JAK1: variants seen among roughly 807,000 people sequenced by gnomAD.
JAK1 encodes Janus kinase 1.
JAK1 carries 16 observed loss-of-function variants against 136.6 expected under a neutral mutation model. The ratio of observed to expected loss-of-function variants is 0.12; its 90% CI spans 0.08 to 0.18. JAK1 has a LOEUF of 0.18. JAK1 is among the 10% of genes least tolerant of loss of function. The pLI, the probability that JAK1 is intolerant of heterozygous loss-of-function variation, is 1.00. For synonymous variants in JAK1, 492 were observed against 519.5 expected (o/e 0.95, Z 0.72); for missense variants, 859 against 1,450.1 (o/e 0.59, Z 6.62).
intron 2 of JAK1, among the ~76,000 whole-genome samples, chr1:64,977,027 G>T (rs1646502449): frequency 6.6e-6 from 1 of 152,128 alleles, no homozygotes; most frequent in South Asian, 2.1e-4. Context: ...TGATCTGATT[G>T]CTAAGAAGTT....
Position 64,867,136 on chromosome 1 carries a change from T to G in JAK1, c.720A>C (p.Ile240=). ...RQRNLLTRMR[I]NNVFKDFLKE... ...TTAGGAAATCCTTGAAAACATTATTTATCCGCATCCTGGTGAGAAGGTTCC... is the reference window on the plus strand; with the variant it reads ...TTAGGAAATCCTTGAAAACATTATTGATCCGCATCCTGGTGAGAAGGTTCC... Residue 240 remains isoleucine, a synonymous_variant, in exon 7 of 25, where the codon ATA becomes ATC. Coordinates refer to ENST00000342505, the MANE Select transcript of JAK1 (RefSeq NM_002227.4). 2 of 1,613,208 alleles carry G rather than the reference T, an allele frequency of 1.2e-6. No individual in the cohort carries two copies. Among genetic ancestry groups the G allele is most frequent in the Non-Finnish European group, 1.7e-6 (2 of 1,179,268 alleles).
intron 4 of JAK1, among the ~76,000 whole-genome samples, chr1:64,875,781 C>T (rs1159318999): frequency 6.6e-6 from 1 of 152,188 alleles, no homozygotes. Context: ...TTCCCTTACC[C>T]TCCGCTGGTG....
intron 11 of JAK1, among the ~76,000 whole-genome samples, chr1:64,851,559 G>GC (rs1655597645): frequency 1.3e-5 from 2 of 152,166 alleles, no homozygotes; most frequent in African/African-American, 4.8e-5. Context: ...CTTACCAAAT[G>GC]CCCCCTCAAT....
chr1:64,903,410 T>C (rs1430672289), intron 1 of JAK1, among the ~76,000 whole-genome samples: 1 of 152,184 alleles, frequency 6.6e-6, no homozygotes, highest in Non-Finnish European at 1.5e-5. Context: ...CCTCATGGCA[T>C]GGGGACAGAG....
intron 2 of JAK1, among the ~76,000 whole-genome samples, chr1:65,024,121 G>A (rs929554981): frequency 6.6e-6 from 1 of 151,942 alleles, no homozygotes; most frequent in Non-Finnish European, 1.5e-5. Context: ...ATGTTTTGGG[G>A]GTATATACCT....
intron 2 of JAK1, among the ~76,000 whole-genome samples, chr1:64,983,387 C>T (rs572872994): frequency 1.2e-4 from 18 of 152,224 alleles, no homozygotes; most frequent in South Asian, 2.1e-4. Flanking sequence ...CAACAACACA[C>T]GTTAGATAAT....
intron 1 of JAK1, among the ~76,000 whole-genome samples, chr1:64,922,196 A>C (rs546865299): frequency 1.3e-5 from 2 of 150,270 alleles, no homozygotes; most frequent in East Asian, 4.0e-4. Context: ...CCCACCCCCC[A>C]GTTAGTTACT....
At chr1:64,878,561 G>GTGTATGTA (rs1298801037) in intron 4 of JAK1, among the ~76,000 whole-genome samples, 76 of 119,938 alleles carry the variant, frequency 6.3e-4, no homozygotes, top group Non-Finnish European at 1.2e-3. Flanking sequence ...TATATAGTGT[G>GTGTATGTA]TATATATATA....
intron 1 of JAK1, among the ~76,000 whole-genome samples, chr1:65,065,780 C>T (rs1648014042): frequency 6.6e-6 from 1 of 150,492 alleles, no homozygotes; most frequent in Non-Finnish European, 1.5e-5. Context: ...CTGGGTTAAG[C>T]TTAAGGGGAA....
chr1:64,866,928 C>G lies in JAK1; in HGVS notation c.928G>C (p.Val310Leu). The change falls in exon 7 of 25, where the codon GTT (valine) becomes CTT (leucine). Residue 310 changes from valine (V) to leucine (L), a missense_variant. Around this residue, in one of 4 missense-constraint regions of JAK1, gnomAD observed 353 missense variants for 494.0 expected, o/e 0.71. Coordinates refer to ENST00000342505, the MANE Select transcript of JAK1 (RefSeq NM_002227.4). ...GTCACCATCACTTCGTAGTAGAGAACGTTTCCACCGTCATTCGAATGAAAC... is the reference window on the plus strand; with the variant it reads ...GTCACCATCACTTCGTAGTAGAGAAGGTTTCCACCGTCATTCGAATGAAAC... ...NWFHSNDGGN[V>L]LYYEVMVTGN... 1 of 1,614,220 alleles carries G rather than the reference C, an allele frequency of 6.2e-7. No individual in the cohort carries two copies.
At chr1:64,864,058 C>T (rs185009938) in intron 8 of JAK1, among the ~76,000 whole-genome samples, 13 of 152,296 alleles carry the variant, frequency 8.5e-5, no homozygotes, top group South Asian at 2.1e-4. Context: ...TGCCCTAAAC[C>T]GTATCACCAG....
chr1:65,000,943 G>A (rs1037841109), intron 2 of JAK1, among the ~76,000 whole-genome samples: 8 of 151,624 alleles, frequency 5.3e-5, no homozygotes, highest in Non-Finnish European at 1.0e-4. Flanking sequence ...GTGCGGTGGC[G>A]CCATGGAAGT....
intron 2 of JAK1, among the ~76,000 whole-genome samples, chr1:64,981,421 C>T (rs1305934663): frequency 6.6e-6 from 1 of 152,160 alleles, no homozygotes; most frequent in Non-Finnish European, 1.5e-5. Flanking sequence ...CTGGAACGCT[C>T]GTGGCACCTG....
intron 2 of JAK1, among the ~76,000 whole-genome samples, chr1:65,001,770 G>A (rs1446952671): frequency 6.6e-6 from 1 of 151,800 alleles, no homozygotes; most frequent in Non-Finnish European, 1.5e-5. Context: ...GTGTGAGTGT[G>A]TGGTATGTGT....
At chr1:64,853,626 T>C (rs927345717) in intron 11 of JAK1, among the ~76,000 whole-genome samples, 5 of 152,204 alleles carry the variant, frequency 3.3e-5, no homozygotes, top group Non-Finnish European at 5.9e-5. Context: ...TACATGGCCT[T>C]GAGCAAGTCA....
At chr1:65,025,693 T>C (rs115601336) in intron 2 of JAK1, among the ~76,000 whole-genome samples, 2,180 of 152,198 alleles carry the variant, frequency 0.014, 57 homozygotes, top group African/African-American at 0.051. Context: ...TCTTTCCTTT[T>C]TTGAGACAGG....
chr1:64,936,279 T>G (rs568446066), intron 1 of JAK1, among the ~76,000 whole-genome samples: 52 of 152,212 alleles, frequency 3.4e-4, no homozygotes, highest in South Asian at 2.1e-4. Flanking sequence ...ACTTTCATTA[T>G]TAGGCCAAAT....
intron 1 of JAK1, among the ~76,000 whole-genome samples, chr1:65,063,359 G>A (rs961789575): frequency 1.3e-5 from 2 of 152,148 alleles, no homozygotes; most frequent in African/African-American, 4.8e-5. Flanking sequence ...CCTGCTAGCC[G>A]TTCTAGAACC....
intron 3 of JAK1, among the ~76,000 whole-genome samples, chr1:64,880,761 G>C (rs1442157061): frequency 2.6e-5 from 4 of 152,106 alleles, no homozygotes; most frequent in Non-Finnish European, 5.9e-5. Context: ...TTGAAGTCAG[G>C]AGTTCAAGAC....
Sources: allele counts gnomAD v4.1 joint callset (sites outside exome capture counted in the v4.1 genomes callset), GRCh38; gene constraint gnomAD v4.1.1; regional missense constraint gnomAD v4.1.1; transcripts MANE v1.5; gene names NCBI Gene and HGNC (gene_info 2026-07-23, HGNC 2026-07-21).